The following ASAP1 variants were observed in gnomAD, a reference collection of about 807,000 sequenced individuals.
The protein encoded by ASAP1 is ArfGAP with SH3 domain, ankyrin repeat and PH domain 1, also known as arf-GAP with SH3 domain, ANK repeat and PH domain-containing protein 1.
In ASAP1, 43 loss-of-function variants were observed where a neutral mutation model predicts 145.2. The observed-to-expected ratio is 0.30, with a 90% confidence interval of 0.23 to 0.38. The LOEUF (loss-of-function observed/expected upper bound fraction) is 0.38. Ranked by LOEUF, ASAP1 falls within the 10% of genes least tolerant of loss-of-function variation. The pLI is 1.00. For missense variants in ASAP1, 1,018 were observed against 1,355.3 expected (o/e 0.75, Z 3.91); for synonymous variants, 546 against 515.5 (o/e 1.06, Z -0.80).
intron 3 of ASAP1, among the ~76,000 whole-genome samples, chr8:130,307,926 TGA>T (rs1323069200): frequency 6.6e-6 from 1 of 152,218 alleles, no homozygotes; most frequent in Non-Finnish European, 1.5e-5. Context: ...AAAATACACT[TGA>T]GAGAAATAAT....
intron 8 of ASAP1, among the ~76,000 whole-genome samples, chr8:130,180,250 T>C (rs1037611562): frequency 2.0e-5 from 3 of 152,182 alleles, no homozygotes; most frequent in African/African-American, 7.2e-5. Context: ...ACAGGTTGGT[T>C]TCTAGGTCAA....
chr8:130,355,297 A>T (rs1225910359), intron 3 of ASAP1, among the ~76,000 whole-genome samples: 2 of 152,252 alleles, frequency 1.3e-5, no homozygotes, highest in East Asian at 3.8e-4. Context: ...TAAAAGAAAG[A>T]GTATGGATTA....
At chr8:130,148,880 G>T (rs1362776927) in intron 13 of ASAP1, among the ~76,000 whole-genome samples, 1 of 152,048 alleles carries the variant, frequency 6.6e-6, no homozygotes, top group Admixed American at 6.6e-5. Flanking sequence ...TGTCGCCCAG[G>T]CTGGAGTGCA....
chr8:130,388,846 G>C (rs1362222232), intron 2 of ASAP1, among the ~76,000 whole-genome samples: 25 of 152,164 alleles, frequency 1.6e-4, no homozygotes, highest in Admixed American at 1.6e-3. Context: ...TTAGAGCCTG[G>C]GGATAATATA....
intron 1 of ASAP1, among the ~76,000 whole-genome samples, chr8:130,413,915 T>C (rs1049725726): frequency 2.6e-5 from 4 of 152,204 alleles, no homozygotes; most frequent in African/African-American, 9.7e-5. Flanking sequence ...CATTCATTCA[T>C]TCATTTATGT....
In ASAP1 at chr8:130,379,867, A is replaced by G. The variant is rs565637713; in HGVS notation, c.60-21724T>C. Among the ~76,000 whole-genome samples, 7 of 152,180 alleles carry G rather than the reference A, an allele frequency of 4.6e-5. No homozygotes were observed. The East Asian group carries it at 1.4e-3, about 29-fold the overall frequency. ...CTGTCCCTCTGGGTGTGGCAGCTAG[A>G]GGCACTAGGGACCAGCCAGACACCA... On this transcript the variant is annotated intron_variant, in intron 2 of 29. Transcript: ENST00000518721.
chr8:130,403,755 T>C (rs375188317), intron 1 of ASAP1, among the ~76,000 whole-genome samples: 3 of 152,076 alleles, frequency 2.0e-5, no homozygotes, highest in South Asian at 2.1e-4. Flanking sequence ...GGTTTCGCCA[T>C]GTCGAGCAGG....
At chr8:130,087,326 C>T (rs537218259) in intron 25 of ASAP1, among the ~76,000 whole-genome samples, 4 of 152,274 alleles carry the variant, frequency 2.6e-5, no homozygotes, top group Admixed American at 2.0e-4. Context: ...TTGAGACCAG[C>T]CTGGCCAACA....
intron 9 of ASAP1, among the ~76,000 whole-genome samples, chr8:130,172,807 G>A (rs1289602110): frequency 6.6e-6 from 1 of 152,158 alleles, no homozygotes; most frequent in Non-Finnish European, 1.5e-5. Context: ...AGTTTGAAAT[G>A]GCACTGATAA....
chr8:130,070,143 T>TCTCCTGCCTCAGC (rs1554815594), intron 27 of ASAP1, among the ~76,000 whole-genome samples: 8 of 152,094 alleles, frequency 5.3e-5, no homozygotes, highest in African/African-American at 1.4e-4. Context: ...TTCACGCCAT[T>TCTCCTGCCTCAGC]CTCCTGCCTC....
chr8:130,167,704 C>A, intron 10 of ASAP1, 82 bp from the exon 11 acceptor site: 1 of 991,268 alleles, frequency 1.0e-6, no homozygotes, highest in Admixed American at 2.0e-5. Context: ...TACCACTCAT[C>A]AAAATTCTAT....
intron 2 of ASAP1, among the ~76,000 whole-genome samples, chr8:130,375,833 A>G (rs1827462156): frequency 6.6e-6 from 1 of 152,238 alleles, no homozygotes; most frequent in African/African-American, 2.4e-5. Flanking sequence ...ATGATTTCAA[A>G]GCCAGGACTG....
At chr8:130,380,921 C>A (rs989709345) in intron 2 of ASAP1, among the ~76,000 whole-genome samples, 2 of 152,016 alleles carry the variant, frequency 1.3e-5, no homozygotes, top group African/African-American at 4.8e-5. Flanking sequence ...GTCTCTCTCT[C>A]TTGTCCAGGC....
At chr8:130,070,679 C>T (rs2097441189) in intron 27 of ASAP1, among the ~76,000 whole-genome samples, 1 of 151,312 alleles carries the variant, frequency 6.6e-6, no homozygotes, top group Non-Finnish European at 1.5e-5. Context: ...TCTGAAATAC[C>T]CATGCTGTCT....
At chr8:130,387,149 G>T (rs1828055992) in intron 2 of ASAP1, among the ~76,000 whole-genome samples, 1 of 152,124 alleles carries the variant, frequency 6.6e-6, no homozygotes, top group Non-Finnish European at 1.5e-5. Context: ...GGTATCCAAG[G>T]CTGCTGTTTT....
chr8:130,356,691 A>G (rs1276600263), intron 3 of ASAP1, among the ~76,000 whole-genome samples: 1 of 152,212 alleles, frequency 6.6e-6, no homozygotes, highest in Admixed American at 6.5e-5. Flanking sequence ...TGACACATTC[A>G]GTCATAGCAC....
At chr8:130,057,458 C>CT (rs140832148) in intron 29 of ASAP1, among the ~76,000 whole-genome samples, 15,666 of 151,994 alleles carry the variant, frequency 0.1, 954 homozygotes, top group South Asian at 0.28. Context: ...GGCTGTTTTT[C>CT]TTTTTTTTCA....
chr8:130,097,310 C>A (rs1387129192), intron 24 of ASAP1, among the ~76,000 whole-genome samples: 2 of 151,976 alleles, frequency 1.3e-5, no homozygotes, highest in Admixed American at 1.3e-4. Context: ...TGGCTTCTCT[C>A]CTCACCTGCC....
intron 3 of ASAP1, among the ~76,000 whole-genome samples, chr8:130,307,700 G>A (rs1237903457): frequency 2.6e-5 from 4 of 152,154 alleles, no homozygotes; most frequent in African/African-American, 4.8e-5. Flanking sequence ...GAGTAACAGC[G>A]ATAAGCACCT....
Sources: allele counts gnomAD v4.1 joint callset (sites outside exome capture counted in the v4.1 genomes callset), GRCh38; gene constraint gnomAD v4.1.1; transcripts MANE v1.5; gene names NCBI Gene and HGNC (gene_info 2026-07-23, HGNC 2026-07-21).